MID1: variants seen among roughly 807,000 people sequenced by gnomAD.
MID1 encodes midline 1.
Under a neutral mutation model 40.4 loss-of-function variants are expected in MID1, and 7 were observed. That is an observed-to-expected ratio of 0.17 (90% confidence interval 0.10 to 0.33). The LOEUF is 0.33. MID1 is among the 10% of genes least tolerant of loss of function. The probability of loss-of-function intolerance (pLI) is 1.00; values close to 1 mark genes in which losing one functional copy is unlikely to be tolerated. For missense variants in MID1, 367 were observed against 558.5 expected (o/e 0.66, Z 3.46); for synonymous variants, 229 against 221.2 (o/e 1.04, Z -0.31).
intron 1 of MID1, among the ~76,000 whole-genome samples, chrX:10,809,918 TA>T (rs1295301648): frequency 2.7e-5 from 3 of 109,123 alleles, no homozygotes; most frequent in East Asian, 5.7e-4. Flanking sequence ...AGTATAATAA[TA>T]AAAAAATAAT....
At chrX:10,647,542 T>TA (rs894904328) in intron 1 of MID1, among the ~76,000 whole-genome samples, 57 of 111,301 alleles carry the variant, frequency 5.1e-4, no homozygotes, top group Non-Finnish European at 8.9e-4. Context: ...AAATTAAAAA[T>TA]AAAAAACCCT....
At chrX:10,700,119 G>C (rs1446037149) in intron 1 of MID1, among the ~76,000 whole-genome samples, 2 of 111,633 alleles carry the variant, frequency 1.8e-5, no homozygotes, top group Non-Finnish European at 3.8e-5. Flanking sequence ...ACCATGCCTG[G>C]CTAGCTCAAT....
chrX:10,619,518 C>G (rs1247332225), intron 1 of MID1, among the ~76,000 whole-genome samples: 1 of 112,727 alleles, frequency 8.9e-6, no homozygotes, highest in East Asian at 2.8e-4. Context: ...GTAAATCACA[C>G]CCTCTCCTTG....
intron 3 of MID1, among the ~76,000 whole-genome samples, chrX:10,504,431 T>G (rs1357649755): frequency 1.8e-5 from 2 of 111,408 alleles, no homozygotes; most frequent in Non-Finnish European, 3.8e-5. Flanking sequence ...GCTTGGCATG[T>G]AATAATTACT....
At chrX:10,715,425 C>T (rs767982317) in intron 1 of MID1, among the ~76,000 whole-genome samples, 81 of 112,225 alleles carry the variant, frequency 7.2e-4, no homozygotes, top group Non-Finnish European at 7.0e-4. Context: ...GAGGGTCCTA[C>T]GCCCACGGAG....
At chrX:10,690,143 A>G (rs917210302) in intron 1 of MID1, among the ~76,000 whole-genome samples, 2 of 111,462 alleles carry the variant, frequency 1.8e-5, no homozygotes, top group African/African-American at 6.5e-5. Flanking sequence ...AGATGCTGAG[A>G]GTTGTTCAAG....
At chrX:10,682,033 C>T (rs1431457513) in intron 1 of MID1, among the ~76,000 whole-genome samples, 3 of 111,113 alleles carry the variant, frequency 2.7e-5, no homozygotes, top group Admixed American at 9.6e-5. Context: ...GAGTTGGGCA[C>T]GGTGGCTCAT....
At chrX:10,471,656 C>T (rs760034028) in intron 6 of MID1, among the ~76,000 whole-genome samples, 105 of 111,873 alleles carry the variant, frequency 9.4e-4, no homozygotes, top group Middle Eastern at 4.6e-3. Context: ...CCAGCTGCAT[C>T]GTAAAATGTG....
chrX:10,609,641 T>C (rs776888152), intron 1 of MID1, among the ~76,000 whole-genome samples: 11 of 110,386 alleles, frequency 1.0e-4, no homozygotes, highest in Non-Finnish European at 1.7e-4. Flanking sequence ...TACTAAATAG[T>C]AGTTTTATCA....
chrX:10,638,432 C>A (rs773241472), intron 1 of MID1, among the ~76,000 whole-genome samples: 1 of 112,096 alleles, frequency 8.9e-6, no homozygotes, highest in Non-Finnish European at 1.9e-5. Context: ...TGAGATCGAA[C>A]TGCAAGGTGG....
chrX:10,685,874 T>TCACACACACA (rs1394966596), intron 1 of MID1, among the ~76,000 whole-genome samples: 4 of 30,040 alleles, frequency 1.3e-4, no homozygotes, highest in African/African-American at 6.3e-4. Flanking sequence ...CCCCACATAC[T>TCACACACACA]CATACACACA....
chrX:10,604,571 G>A (rs1010965116), intron 1 of MID1, among the ~76,000 whole-genome samples: 1 of 111,576 alleles, frequency 9.0e-6, no homozygotes, highest in Admixed American at 9.5e-5. Flanking sequence ...AGGCTTTGTT[G>A]TCAGAAAAAA....
chrX:10,782,583 A>G, intron 1 of MID1, among the ~76,000 whole-genome samples: 1 of 111,692 alleles, frequency 9.0e-6, no homozygotes, highest in East Asian at 2.8e-4. Context: ...AGATACATAG[A>G]GAAATAGGGA....
intron 1 of MID1, among the ~76,000 whole-genome samples, chrX:10,745,150 C>G (rs2147111234): frequency 1.8e-5 from 2 of 112,653 alleles, no homozygotes; most frequent in East Asian, 2.8e-4. Flanking sequence ...CCAGGACCAT[C>G]CTGGTTCTCA....
intron 4 of MID1, among the ~76,000 whole-genome samples, chrX:10,488,975 A>C (rs2080682): frequency 0.11 from 12,324 of 109,292 alleles, 899 homozygotes; most frequent in African/African-American, 0.27. Flanking sequence ...CTCTCTCTCT[A>C]TATATATATA....
chrX:10,482,501 G>T lies in MID1; in HGVS notation c.992C>A (p.Thr331Asn). 8.3e-7 allele frequency: 1 copy of T among 1,211,090 alleles called. No individual in the cohort carries two copies. Residue 331 changes from threonine (T) to asparagine (N), a missense_variant, in exon 5 of 10, where the codon ACT (threonine) becomes AAT (asparagine). Thr to Asn is a moderately conservative substitution (Grantham distance 65). Coordinates refer to ENST00000317552, the MANE Select transcript of MID1 (RefSeq NM_000381.4). Reference sequence around the variant, plus strand: ...TCACCTCTCGGTGATATTCTTAGCAGTCTGTAGGAAACGCGCATGATCATT... The same window carrying T: ...TCACCTCTCGGTGATATTCTTAGCATTCTGTAGGAAACGCGCATGATCATT... ...KENDHARFLQ[T>N]AKNITERVSM...
rs1332739532 is a variant in MID1 at position 10,465,204 on chromosome X, TATATATATATAC to T, written c.1285+4481_1285+4492del. Among the ~76,000 whole-genome samples the T allele has an allele frequency of 4.6e-4, 31 of 67,375 alleles. 2 individuals are homozygous for T. Among genetic ancestry groups the T allele is most frequent in the African/African-American group, 1.9e-3 (26 of 13,550 alleles). 58.5% of individuals were successfully genotyped at this position (67,375 alleles called of 115,157 possible). A position where few individuals can be genotyped will look rare whatever the true frequency, so the allele number is the denominator to read the frequency against. On this transcript the variant is annotated intron_variant, in intron 7 of 9. Transcript: ENST00000317552. ...CTGAAATTTTATATATATATATATATATATATATATACACACACACACACACACACACACACA... is the reference window on the plus strand; with the variant it reads ...CTGAAATTTTATATATATATATATATACACACACACACACACACACACACA...
intron 1 of MID1, among the ~76,000 whole-genome samples, chrX:10,710,780 T>C (rs1043844017): frequency 1.8e-5 from 2 of 111,775 alleles, no homozygotes; most frequent in African/African-American, 6.5e-5. Context: ...TCATATGTTC[T>C]CTTATTTTGT....
intron 1 of MID1, among the ~76,000 whole-genome samples, chrX:10,777,056 G>A (rs2043807710): frequency 8.9e-6 from 1 of 112,056 alleles, no homozygotes; most frequent in Admixed American, 9.5e-5. Flanking sequence ...TTGCAACGAG[G>A]TTATTTCTAG....
Sources: gnomAD v4.1 joint callset for allele counts (sites outside exome capture counted in the v4.1 genomes callset) on GRCh38, gnomAD v4.1.1 for gene constraint, MANE v1.5 for transcripts, NCBI Gene and HGNC (gene_info 2026-07-23, HGNC 2026-07-21) for gene names.